CNTNAP2: variants seen among roughly 807,000 people sequenced by gnomAD.
The protein encoded by CNTNAP2 is contactin-associated protein-like 2.
CNTNAP2 carries 98 observed loss-of-function variants against 155.2 expected under a neutral mutation model. The ratio of observed to expected loss-of-function variants is 0.63; its 90% CI spans 0.54 to 0.75. The LOEUF is 0.75. Ranked by LOEUF, CNTNAP2 falls within the 30% of genes least tolerant of loss-of-function variation. The pLI is 0.00. For synonymous variants in CNTNAP2, 651 were observed against 631.2 expected, an observed-to-expected ratio of 1.03 and a Z score of -0.47; for missense variants, 1,727 against 1,688.1, an observed-to-expected ratio of 1.02 and a Z score of -0.40.
chr7:147,476,695 G>A (rs984209842), intron 10 of CNTNAP2, among the ~76,000 whole-genome samples: 4 of 152,072 alleles, frequency 2.6e-5, no homozygotes, highest in Non-Finnish European at 5.9e-5. Flanking sequence ...GGGAGGCCAA[G>A]GCTGGTGGAT....
chr7:146,378,496 ATTATTC>A (rs1158843965), intron 1 of CNTNAP2, among the ~76,000 whole-genome samples: 1 of 152,170 alleles, frequency 6.6e-6, no homozygotes, highest in African/African-American at 2.4e-5. Flanking sequence ...ATTACCTTAT[ATTATTC>A]TTATAAGAAT....
chr7:148,369,509 T>C (rs1186683442), intron 21 of CNTNAP2, among the ~76,000 whole-genome samples: 1 of 152,012 alleles, frequency 6.6e-6, no homozygotes, highest in Admixed American at 6.6e-5. Flanking sequence ...ATTACCAACA[T>C]AAGACATGGC....
chr7:146,931,583 A>G (rs1409219241), intron 3 of CNTNAP2, among the ~76,000 whole-genome samples: 2 of 150,768 alleles, frequency 1.3e-5, no homozygotes, highest in Admixed American at 6.6e-5. Context: ...AAATAACTAA[A>G]ATCAGAGCAG....
chr7:147,561,688 C>T (rs942032844), intron 11 of CNTNAP2, among the ~76,000 whole-genome samples: 1 of 151,954 alleles, frequency 6.6e-6, no homozygotes, highest in Non-Finnish European at 1.5e-5. Flanking sequence ...AATAAGTGTG[C>T]ATGTGAGTGT....
chr7:147,337,307 C>T (rs1795681128), intron 9 of CNTNAP2, among the ~76,000 whole-genome samples: 1 of 151,938 alleles, frequency 6.6e-6, no homozygotes, highest in Non-Finnish European at 1.5e-5. Context: ...AGCTGAGGGC[C>T]CCCCAAAGCA....
At chr7:147,323,171 G>T (rs1251117986) in intron 9 of CNTNAP2, among the ~76,000 whole-genome samples, 10 of 35,412 alleles carry the variant, frequency 2.8e-4, no homozygotes, top group African/African-American at 7.5e-4. Context: ...TGATGTTAGG[G>T]TGTCAATTTT....
At chr7:146,522,518 G>A (rs1797629966) in intron 1 of CNTNAP2, among the ~76,000 whole-genome samples, 1 of 151,928 alleles carries the variant, frequency 6.6e-6, no homozygotes, top group African/African-American at 2.4e-5. Flanking sequence ...ACTCTTCTAT[G>A]TCTAAGATAA....
intron 10 of CNTNAP2, among the ~76,000 whole-genome samples, chr7:147,403,816 G>C (rs1192471446): frequency 1.3e-5 from 2 of 151,494 alleles, no homozygotes; most frequent in African/African-American, 4.8e-5. Context: ...GACAGCCATA[G>C]AGTAAGAAAA....
At position 148,178,257 on chromosome 7, in the gene CNTNAP2, C is replaced by A. The variant is rs567270603; in HGVS notation, c.3010+5779C>A. Among the ~76,000 whole-genome samples the A allele has an allele frequency of 2.6e-5, 4 of 152,256 alleles. No individual in the cohort carries two copies. In the South Asian group the frequency reaches 6.2e-4, roughly 24 times the overall value. ...AAATGTTCATGTTCATATGCCAAAC[C>A]AGGACTGCAGTTGAAAAATACATTT... On this transcript the variant is annotated intron_variant, in intron 18 of 23. Transcript: ENST00000361727.
chr7:146,997,361 G>A (rs1215280272), intron 3 of CNTNAP2, among the ~76,000 whole-genome samples: 1 of 152,092 alleles, frequency 6.6e-6, no homozygotes, highest in African/African-American at 2.4e-5. Context: ...CTGTTAGTGT[G>A]ATGTGTCACA....
At chr7:147,868,862 C>T (rs1418562234) in intron 13 of CNTNAP2, among the ~76,000 whole-genome samples, 4 of 152,200 alleles carry the variant, frequency 2.6e-5, no homozygotes, top group Non-Finnish European at 5.9e-5. Context: ...TCCTATTTTT[C>T]CAGGTACAGT....
At chr7:147,643,210 A>G (rs1379515840) in intron 13 of CNTNAP2, among the ~76,000 whole-genome samples, 1 of 152,228 alleles carries the variant, frequency 6.6e-6, no homozygotes, top group African/African-American at 2.4e-5. Context: ...AGGGAATATT[A>G]GGGCTTGTCT....
intron 12 of CNTNAP2, among the ~76,000 whole-genome samples, chr7:147,633,093 G>T (rs1322313347): frequency 6.6e-6 from 1 of 152,228 alleles, no homozygotes; most frequent in Non-Finnish European, 1.5e-5. Context: ...AGAGGCCTAG[G>T]AGGGAAAAAT....
intron 2 of CNTNAP2, among the ~76,000 whole-genome samples, chr7:146,805,523 G>A (rs879774663): frequency 6.6e-6 from 1 of 152,126 alleles, no homozygotes; most frequent in Non-Finnish European, 1.5e-5. Flanking sequence ...TCAAGAAGAA[G>A]TAATTGTTTA....
chr7:148,183,652 T>C (rs1795075317), intron 18 of CNTNAP2, among the ~76,000 whole-genome samples: 1 of 151,284 alleles, frequency 6.6e-6, no homozygotes, highest in African/African-American at 2.5e-5. Flanking sequence ...CTGCTAAGTT[T>C]TTAATTTTTT....
At chr7:147,715,952 A>G (rs986384494) in intron 13 of CNTNAP2, among the ~76,000 whole-genome samples, 2 of 152,178 alleles carry the variant, frequency 1.3e-5, no homozygotes, top group East Asian at 1.9e-4. Flanking sequence ...ATCGTCATTT[A>G]TTGAAGACTT....
chr7:146,853,350 G>A (rs1466870572), intron 3 of CNTNAP2, among the ~76,000 whole-genome samples: 2 of 152,190 alleles, frequency 1.3e-5, no homozygotes, highest in Middle Eastern at 6.8e-3. Flanking sequence ...TTTTATGTTA[G>A]GATTTGGGAT....
At chr7:146,717,641 A>G (rs1038875488) in intron 1 of CNTNAP2, among the ~76,000 whole-genome samples, 9 of 151,938 alleles carry the variant, frequency 5.9e-5, no homozygotes, top group Non-Finnish European at 1.3e-4. Flanking sequence ...GAAAACTACT[A>G]ACACAAATAA....
Position 146,774,730 on chromosome 7 carries a change from C to T in CNTNAP2, c.208+349C>T, listed in dbSNP as rs147588711. On this transcript the variant is annotated intron_variant, in intron 2 of 23. Coordinates refer to ENST00000361727, the MANE Select transcript of CNTNAP2 (RefSeq NM_014141.6). ...TAAAAAAGAATTGACTCCCAAAATG[C>T]GTACGGTGTATTAAAAAAAGCACTT... is the stretch of plus-strand genomic sequence containing the variant. Among the ~76,000 whole-genome samples, 1,191 of 152,160 alleles carry T rather than the reference C, an allele frequency of 7.8e-3. 20 individuals carry two copies. Among genetic ancestry groups the T allele is most frequent in the African/African-American group, 0.027 (1,103 of 41,522 alleles).
Sources: gnomAD v4.1 joint callset for allele counts (sites outside exome capture counted in the v4.1 genomes callset) on GRCh38, gnomAD v4.1.1 for gene constraint, MANE v1.5 for transcripts, NCBI Gene and HGNC (gene_info 2026-07-23, HGNC 2026-07-21) for gene names.